The following CACNA2D1 variants were observed in gnomAD, a reference collection of about 807,000 sequenced individuals.
CACNA2D1 encodes calcium voltage-gated channel auxiliary subunit alpha2delta 1.
Under a neutral mutation model 171.5 loss-of-function variants are expected in CACNA2D1, and 53 were observed. That is an observed-to-expected ratio of 0.31 (90% CI 0.25 to 0.39). The LOEUF (loss-of-function observed/expected upper bound fraction) is 0.39, where lower values mean the gene tolerates loss of function less well. Ranked by LOEUF, CACNA2D1 falls within the 10% of genes least tolerant of loss-of-function variation. CACNA2D1 has a pLI of 1.00. For missense variants in CACNA2D1, 903 were observed against 1,299.8 expected (o/e 0.69, Z 4.69); for synonymous variants, 442 against 443.1 (o/e 1.00, Z 0.03).
intron 3 of CACNA2D1, among the ~76,000 whole-genome samples, chr7:82,244,017 A>G (rs1444254685): frequency 2.0e-5 from 3 of 152,156 alleles, no homozygotes; most frequent in African/African-American, 7.2e-5. Flanking sequence ...TTAGATGTAG[A>G]AACTCTTTCA....
Position 82,172,746 on chromosome 7 carries a change from G to A in CACNA2D1, c.295-2137C>T, listed in dbSNP as rs746857982. On this transcript the variant is annotated intron_variant, in intron 3 of 38. Coordinates refer to ENST00000356860, the MANE Select transcript of CACNA2D1 (RefSeq NM_000722.4). Reference sequence around the variant, plus strand: ...AGCCATCCTGCCCGGCCAAAGACATGCCCTTGACAAAATTTGCAATGTAAA... The same window carrying A: ...AGCCATCCTGCCCGGCCAAAGACATACCCTTGACAAAATTTGCAATGTAAA... 3.6e-5 allele frequency among the ~76,000 whole-genome samples: 5 copies of A among 137,722 alleles called. No individual in the cohort carries two copies. The South Asian group carries it at 6.8e-4, about 19-fold the overall frequency. 90.4% of individuals were successfully genotyped at this position (137,722 alleles called of 152,430 possible).
At chr7:82,005,276 T>C in intron 18 of CACNA2D1, 147 bp downstream of exon 18, 1 of 659,906 alleles carries the variant, frequency 1.5e-6, no homozygotes, top group East Asian at 2.8e-5. Flanking sequence ...TCATGTGTGG[T>C]CCTTGTCATC....
chr7:82,372,740 AT>A (rs1426660256), intron 1 of CACNA2D1, among the ~76,000 whole-genome samples: 1 of 152,172 alleles, frequency 6.6e-6, no homozygotes, highest in Admixed American at 6.5e-5. Context: ...AATACATGAT[AT>A]CACCCTGTTT....
At chr7:82,306,002 A>G (rs1303468316) in intron 3 of CACNA2D1, among the ~76,000 whole-genome samples, 1 of 152,340 alleles carries the variant, frequency 6.6e-6, no homozygotes, top group Non-Finnish European at 1.5e-5. Context: ...CAAATTTAAG[A>G]TTAATGAGAG....
Position 82,170,407 on chromosome 7 carries a change from T to A in CACNA2D1, c.354+143A>T, listed in dbSNP as rs1378515623. ...TGGCCCTGATTACCCAAAAGCAATT[T>A]ATTTAAAAAGCAACAAGTATGATTA... On this transcript the variant is annotated intron_variant, in intron 4 of 38. Transcript: ENST00000356860. 5.0e-6 allele frequency: 4 copies of A among 794,400 alleles called. No individual in the cohort carries two copies. In the African/African-American group the frequency reaches 6.9e-5, roughly 14 times the overall value. The allele number at this position is 794,400 out of a possible 1,614,324, so 49.2% of individuals were successfully genotyped here.
At chr7:82,023,353 A>C (rs1801482631) in intron 12 of CACNA2D1, among the ~76,000 whole-genome samples, 1 of 151,884 alleles carries the variant, frequency 6.6e-6, no homozygotes, top group Non-Finnish European at 1.5e-5. Context: ...AGCACATTTC[A>C]CAAAAGAACT....
chr7:82,032,948 T>A (rs368487506), intron 11 of CACNA2D1, 47 bp from the exon 12 acceptor site: 66 of 1,037,680 alleles, frequency 6.4e-5, no homozygotes, highest in Admixed American at 3.2e-4. Flanking sequence ...TTATTCACAA[T>A]AAAAGAGAAA....
At chr7:82,286,784 A>G (rs1374955300) in intron 3 of CACNA2D1, among the ~76,000 whole-genome samples, 4 of 152,188 alleles carry the variant, frequency 2.6e-5, no homozygotes, top group Admixed American at 6.5e-5. Flanking sequence ...TTAATCACCA[A>G]TTGGTTTTTG....
chr7:82,277,379 T>A (rs974430956), intron 3 of CACNA2D1, among the ~76,000 whole-genome samples: 9 of 152,118 alleles, frequency 5.9e-5, no homozygotes, highest in Admixed American at 2.6e-4. Context: ...TTTTTGAATT[T>A]TCAGTAGAGA....
chr7:82,366,592 G>GGGGT (rs1554527082), intron 1 of CACNA2D1, among the ~76,000 whole-genome samples: 7 of 151,576 alleles, frequency 4.6e-5, no homozygotes, highest in Non-Finnish European at 8.8e-5. Flanking sequence ...TTTCATGGCA[G>GGGGT]GTATCACATT....
intron 21 of CACNA2D1, among the ~76,000 whole-genome samples, chr7:81,987,807 T>C (rs1318637441): frequency 8.5e-5 from 13 of 152,048 alleles, no homozygotes; most frequent in Admixed American, 8.5e-4. Flanking sequence ...AGAACAGTGA[T>C]ATGTATGGTG....
At chr7:82,411,858 T>C (rs1827703991) in intron 1 of CACNA2D1, among the ~76,000 whole-genome samples, 1 of 150,958 alleles carries the variant, frequency 6.6e-6, no homozygotes, top group Non-Finnish European at 1.5e-5. Context: ...CCTCAGGATG[T>C]TAAACTCCTT....
chr7:82,427,853 A>G (rs1829325189), intron 1 of CACNA2D1, among the ~76,000 whole-genome samples: 2 of 152,190 alleles, frequency 1.3e-5, no homozygotes, highest in Admixed American at 1.3e-4. Context: ...ACTCAAATGA[A>G]TATCTGTCCT....
At chr7:82,424,880 G>C (rs1287537113) in intron 1 of CACNA2D1, among the ~76,000 whole-genome samples, 1 of 152,218 alleles carries the variant, frequency 6.6e-6, no homozygotes, top group Non-Finnish European at 1.5e-5. Context: ...AGCACGTAAA[G>C]TAGGAAAGAA....
intron 3 of CACNA2D1, among the ~76,000 whole-genome samples, chr7:82,209,966 CT>C (rs1800394539): frequency 6.6e-6 from 1 of 152,124 alleles, no homozygotes; most frequent in Admixed American, 6.6e-5. Flanking sequence ...TTAAAAAGAA[CT>C]GCTAACAATA....
At chr7:81,989,799 T>G (rs1353276807) in intron 21 of CACNA2D1, among the ~76,000 whole-genome samples, 1 of 152,136 alleles carries the variant, frequency 6.6e-6, no homozygotes, top group Non-Finnish European at 1.5e-5. Context: ...GTTGGTGGTG[T>G]GCACAAGACA....
chr7:82,380,840 G>T (rs971712530), intron 1 of CACNA2D1, among the ~76,000 whole-genome samples: 5 of 151,848 alleles, frequency 3.3e-5, no homozygotes, highest in African/African-American at 1.2e-4. Flanking sequence ...GACCACAGGC[G>T]CATGCCACCA....
At chr7:82,165,330 TTCC>T (rs1795334264) in intron 4 of CACNA2D1, among the ~76,000 whole-genome samples, 1 of 152,002 alleles carries the variant, frequency 6.6e-6, no homozygotes, top group South Asian at 2.1e-4. Context: ...CTGCAGGGGC[TTCC>T]ACTGTACTAT....
At position 82,046,722 on chromosome 7, in the gene CACNA2D1, G is replaced by T. The variant is rs114562661; in HGVS notation, c.880-8487C>A. Among the ~76,000 whole-genome samples the T allele has an allele frequency of 6.4e-3, 974 of 152,192 alleles. 15 individuals are homozygous for T. The highest frequency in any genetic ancestry group is 0.022 in the African/African-American group (913 of 41,532). On this transcript the variant is annotated intron_variant, in intron 10 of 38. Coordinates refer to ENST00000356860, the MANE Select transcript of CACNA2D1 (RefSeq NM_000722.4). ...ATATGTCTAAAAAATGGCACCAGTA[G>T]ATAAAATGGAATACAATTCCCTATA... is the stretch of plus-strand genomic sequence containing the variant.
Sources: gnomAD v4.1 joint callset for allele counts (sites outside exome capture counted in the v4.1 genomes callset) on GRCh38, gnomAD v4.1.1 for gene constraint, MANE v1.5 for transcripts, NCBI Gene and HGNC (gene_info 2026-07-23, HGNC 2026-07-21) for gene names.